The following LONP2 variants were observed in gnomAD, a reference collection of about 807,000 sequenced individuals.
LONP2 encodes lon peptidase 2, peroxisomal.
Under a neutral mutation model 85.6 loss-of-function variants are expected in LONP2, and 60 were observed. The ratio of observed to expected loss-of-function variants is 0.70; its 90% CI spans 0.57 to 0.87. The LOEUF (loss-of-function observed/expected upper bound fraction) is 0.87. Ranked by LOEUF, LONP2 falls within the 40% of genes least tolerant of loss-of-function variation. The pLI is 0.00. For missense variants in LONP2, 860 were observed against 1,063.5 expected, an observed-to-expected ratio of 0.81 and a Z score of 2.66; for synonymous variants, 395 against 389.7, an observed-to-expected ratio of 1.01 and a Z score of -0.16.
In LONP2 at chr16:48,362,394, C is replaced by T. The variant is rs1213022612; in HGVS notation, c.*531C>T. The T allele has an allele frequency of 6.2e-7, 1 of 1,614,090 alleles. No individual in the cohort carries two copies. Among genetic ancestry groups the T allele is most frequent in the East Asian group, 2.2e-5 (1 of 44,880 alleles). The stretch of plus-strand genomic sequence containing the variant: ...CTGGGATGGTGGACACTTCGAGGTA[C>T]CGGTAGGTAATGCTGTAGCAGTCTG... On this transcript the variant is annotated 3_prime_UTR_variant, in exon 5 of 5. Coordinates refer to the LONP2 transcript ENST00000565867. The surrounding 1 kb of genome is among the most constrained non-coding windows in gnomAD (Gnocchi z 4.2).
intron 11 of LONP2, among the ~76,000 whole-genome samples, chr16:48,330,902 C>T (rs187606520): frequency 1.2e-3 from 181 of 152,292 alleles, no homozygotes; most frequent in African/African-American, 4.2e-3. Context: ...CAACCCCACT[C>T]CCCCAGTGCT....
chr16:48,275,279 T>G (rs998849988), intron 7 of LONP2, among the ~76,000 whole-genome samples: 1 of 152,166 alleles, frequency 6.6e-6, no homozygotes, highest in Admixed American at 6.5e-5. Context: ...GTCAAGTAAT[T>G]TGCCCAAAAT....
At chr16:48,315,666 T>A (rs1052651915) in intron 11 of LONP2, among the ~76,000 whole-genome samples, 2 of 152,182 alleles carry the variant, frequency 1.3e-5, no homozygotes, top group African/African-American at 4.8e-5. Flanking sequence ...GGACAAACAT[T>A]TAAACCATAG....
At chr16:48,287,661 G>A (rs1972475310) in intron 8 of LONP2, among the ~76,000 whole-genome samples, 1 of 152,158 alleles carries the variant, frequency 6.6e-6, no homozygotes, top group South Asian at 2.1e-4. Context: ...CAGCTACTGG[G>A]GTTATGAGGC....
At chr16:48,318,895 T>C (rs1282140025) in intron 11 of LONP2, among the ~76,000 whole-genome samples, 1 of 152,156 alleles carries the variant, frequency 6.6e-6, no homozygotes, top group Non-Finnish European at 1.5e-5. Context: ...TGCTTTATGC[T>C]AGTTATTTTA....
chr16:48,303,073 T>C, intron 10 of LONP2, 99 bp from the exon 11 acceptor site: 1 of 1,348,744 alleles, frequency 7.4e-7, no homozygotes, highest in Non-Finnish European at 1.0e-6. Flanking sequence ...TAATGAACTT[T>C]TAAATGTACA....
intron 11 of LONP2, among the ~76,000 whole-genome samples, chr16:48,330,712 C>T (rs1477669552): frequency 6.6e-6 from 1 of 152,234 alleles, no homozygotes; most frequent in Non-Finnish European, 1.5e-5. Context: ...TGTCCTGCCT[C>T]TCCCAGTTGG....
At chr16:48,339,674 G>C (rs954302130) in intron 12 of LONP2, among the ~76,000 whole-genome samples, 1 of 152,150 alleles carries the variant, frequency 6.6e-6, no homozygotes, top group African/African-American at 2.4e-5. Context: ...GAGGGGGTGG[G>C]ACCCAAAGCA....
Position 48,251,704 on chromosome 16 carries a change from T to C in LONP2, c.234-427T>C, listed in dbSNP as rs564863403. On this transcript the variant is annotated intron_variant, in intron 1 of 14. Coordinates refer to ENST00000285737, the MANE Select transcript of LONP2 (RefSeq NM_031490.5). Reference sequence around the variant, plus strand: ...ACTGACTTGATGTTAGTAGCACAACTGGTGTTGGAACGGAGATTTCTTAGA... The same window carrying C: ...ACTGACTTGATGTTAGTAGCACAACCGGTGTTGGAACGGAGATTTCTTAGA... 4.0e-3 allele frequency among the ~76,000 whole-genome samples: 616 copies of C among 152,352 alleles called. 1 individual carries two copies. The highest frequency in any genetic ancestry group is 6.0e-3 in the Non-Finnish European group (411 of 68,032).
chr16:48,284,200 C>G (rs1470010945), intron 8 of LONP2, among the ~76,000 whole-genome samples: 1 of 152,148 alleles, frequency 6.6e-6, no homozygotes, highest in Non-Finnish European at 1.5e-5. Context: ...GGTGAGGATG[C>G]TATGAACCTT....
At chr16:48,245,143 C>T (rs904954185) in intron 1 of LONP2, among the ~76,000 whole-genome samples, 1 of 152,138 alleles carries the variant, frequency 6.6e-6, no homozygotes, top group African/African-American at 2.4e-5. Context: ...TTGTGGGTGC[C>T]TTTCTTCTAT....
rs1243050906 is a variant in LONP2, at chr16:48,296,016, T to G, written c.1385T>G (p.Val462Gly). The change falls in exon 9 of 15, where the codon GTG (valine) becomes GGG (glycine). Residue 462 changes from valine (V) to glycine (G), a missense_variant and splice_region_variant. By Grantham distance (109) the Val-to-Gly change is moderately radical (BLOSUM62 -3). Coordinates refer to ENST00000285737, the MANE Select transcript of LONP2 (RefSeq NM_031490.5). The stretch of plus-strand genomic sequence containing the variant: ...AAAATGTTTTTTGTTCTCCCCTAGG[T>G]GTTGGATCCTGAACAAAACCATAAC... ...QGDPAAALLEVLDPEQNHNFT... is the reference protein window; with the variant it reads ...QGDPAAALLEGLDPEQNHNFT... 1.2e-6 allele frequency: 2 copies of G among 1,614,048 alleles called. No homozygotes were observed. The highest frequency in any genetic ancestry group is 3.3e-5 in the Admixed American group (2 of 60,016).
intron 9 of LONP2, among the ~76,000 whole-genome samples, chr16:48,297,509 C>T (rs1972699060): frequency 6.6e-6 from 1 of 152,038 alleles, no homozygotes; most frequent in Non-Finnish European, 1.5e-5. Context: ...AGGGTTTCGC[C>T]ATATTGGCCA....
intron 7 of LONP2, among the ~76,000 whole-genome samples, chr16:48,270,777 A>G (rs1432523522): frequency 1.3e-5 from 2 of 152,106 alleles, no homozygotes; most frequent in Non-Finnish European, 2.9e-5. Context: ...CATAATTATT[A>G]AGGCTTATTC....
At position 48,270,246 on chromosome 16, in the gene LONP2, T is replaced by TA. The variant is rs1459113166; in HGVS notation, c.1213_1214insA (p.Cys405Ter). 1 of 1,613,876 alleles carries TA rather than the reference T, an allele frequency of 6.2e-7. No homozygotes were observed. Among genetic ancestry groups the TA allele is most frequent in the Non-Finnish European group, 8.5e-7 (1 of 1,179,912 alleles). Reference sequence around the variant, plus strand: ...CCACAGGATTGCACTTGGAGGAGTATGTGATCAGTCTGACATTCGAGGACA... The same window carrying TA: ...CCACAGGATTGCACTTGGAGGAGTATAGTGATCAGTCTGACATTCGAGGACA... ...EFHRIALGGVCDQSDIRGHRR... is the reference protein window; with the variant it reads ...EFHRIALGGV The change falls in exon 7 of 15, where the codon TGT (cysteine) becomes TAGT (stop). Residue 405 changes from cysteine (C) to a stop codon, truncating the protein, a stop_gained and frameshift_variant. Coordinates refer to ENST00000285737, the MANE Select transcript of LONP2 (RefSeq NM_031490.5). LOFTEE classifies it high-confidence loss of function.
intron 8 of LONP2, among the ~76,000 whole-genome samples, chr16:48,295,727 A>G (rs754658116): frequency 2.0e-5 from 3 of 152,228 alleles, no homozygotes; most frequent in Non-Finnish European, 4.4e-5. Context: ...TGGCCAAACA[A>G]TGAGTCATTA....
At chr16:48,276,344 G>A (rs1312815253) in intron 7 of LONP2, among the ~76,000 whole-genome samples, 1 of 152,160 alleles carries the variant, frequency 6.6e-6, no homozygotes, top group Non-Finnish European at 1.5e-5. Context: ...GGCCTGCTCT[G>A]TGAATCGGCT....
chr16:48,254,607 A>G (rs537907947), intron 2 of LONP2, among the ~76,000 whole-genome samples: 1 of 150,938 alleles, frequency 6.6e-6, no homozygotes, highest in Admixed American at 6.6e-5. Flanking sequence ...TCATGATCCA[A>G]CCGCCACCAC....
rs1410226002 is a variant in LONP2 at position 48,248,241 on chromosome 16, C to T, written c.233+3620C>T. On this transcript the variant is annotated intron_variant, in intron 1 of 14. Coordinates refer to ENST00000285737, the MANE Select transcript of LONP2 (RefSeq NM_031490.5). ...GGTTCAAGTGATCCTCTCACCTCAG[C>T]CTCCTGAGTGTCTGGGATTACAGGC... Among the ~76,000 whole-genome samples the T allele has an allele frequency of 4.6e-5, 7 of 152,010 alleles. No homozygotes were observed. The East Asian group carries it at 1.4e-3, about 29-fold the overall frequency.
Sources: allele counts gnomAD v4.1 joint callset (sites outside exome capture counted in the v4.1 genomes callset), GRCh38; gene constraint gnomAD v4.1.1; non-coding constraint Gnocchi (gnomAD v3.1); transcripts MANE v1.5; gene names NCBI Gene and HGNC (gene_info 2026-07-23, HGNC 2026-07-21).